APBA1: variants seen among roughly 807,000 people sequenced by gnomAD.
APBA1 encodes amyloid beta precursor protein binding family A member 1.
APBA1 carries 55 observed loss-of-function variants against 86.6 expected under a neutral mutation model. The observed-to-expected ratio is 0.64, with a 90% CI of 0.51 to 0.80. The LOEUF is 0.80. APBA1 is among the 30% of genes least tolerant of loss of function. APBA1 has a pLI of 0.00. For missense variants in APBA1, 1,090 were observed against 1,183.0 expected (o/e 0.92, Z 1.15); for synonymous variants, 511 against 493.9 (o/e 1.03, Z -0.46).
At chr9:69,540,992 A>G (rs1358572619) in intron 1 of APBA1, among the ~76,000 whole-genome samples, 2 of 152,208 alleles carry the variant, frequency 1.3e-5, no homozygotes, top group African/African-American at 4.8e-5. Flanking sequence ...ATAATGTCCT[A>G]TAGGTTCACA....
chr9:69,605,878 T>C (rs1380809601), intron 1 of APBA1, among the ~76,000 whole-genome samples: 2 of 152,242 alleles, frequency 1.3e-5, no homozygotes, highest in African/African-American at 4.8e-5. Flanking sequence ...GCAGAGTACC[T>C]GTAAATAGTA....
At chr9:69,437,108 T>G (rs1834739389) in intron 11 of APBA1, among the ~76,000 whole-genome samples, 1 of 151,926 alleles carries the variant, frequency 6.6e-6, no homozygotes, top group South Asian at 2.1e-4. Flanking sequence ...GAACCAGCCT[T>G]GCATCCCAGG....
intron 1 of APBA1, among the ~76,000 whole-genome samples, chr9:69,601,708 T>C (rs1037853925): frequency 2.6e-5 from 4 of 152,172 alleles, no homozygotes; most frequent in African/African-American, 9.7e-5. Flanking sequence ...GACAGAGGTA[T>C]CTCCTCCATA....
At chr9:69,518,465 CTCTT>C (rs1485874967) in intron 1 of APBA1, among the ~76,000 whole-genome samples, 2 of 152,104 alleles carry the variant, frequency 1.3e-5, no homozygotes, top group Non-Finnish European at 2.9e-5. Flanking sequence ...ATGGGTAGGT[CTCTT>C]TCTATTTTCA....
intron 1 of APBA1, among the ~76,000 whole-genome samples, chr9:69,547,291 G>T (rs1836713367): frequency 1.3e-5 from 2 of 152,172 alleles, no homozygotes; most frequent in Admixed American, 1.3e-4. Context: ...CATCCTTAGA[G>T]CTTGACTCCC....
intron 1 of APBA1, among the ~76,000 whole-genome samples, chr9:69,595,629 T>C (rs1372053787): frequency 1.3e-5 from 2 of 152,232 alleles, no homozygotes; most frequent in Admixed American, 1.3e-4. Flanking sequence ...TATTTGTGGG[T>C]TCATACATGA....
intron 11 of APBA1, among the ~76,000 whole-genome samples, chr9:69,433,530 T>C (rs780154221): frequency 2.0e-5 from 3 of 152,234 alleles, no homozygotes; most frequent in Non-Finnish European, 2.9e-5. Context: ...GTTTTCCCAG[T>C]GGACCCACAC....
chr9:69,599,689 G>A (rs147447359), intron 1 of APBA1, among the ~76,000 whole-genome samples: 32 of 152,310 alleles, frequency 2.1e-4, no homozygotes, highest in African/African-American at 7.0e-4. Context: ...ACCCAGGAAT[G>A]TGTTGAAAGT....
At chr9:69,451,668 T>C (rs1224539510) in intron 9 of APBA1, among the ~76,000 whole-genome samples, 1 of 152,200 alleles carries the variant, frequency 6.6e-6, no homozygotes, top group Non-Finnish European at 1.5e-5. Context: ...CATTCCTGAA[T>C]AGCTCAGTTT....
rs905642963 is a variant in APBA1 at position 69,489,074 on chromosome 9, C to A, written c.1201-12931G>T. On this transcript the variant is annotated intron_variant, in intron 2 of 12. Transcript: ENST00000265381. The stretch of plus-strand genomic sequence containing the variant: ...TACTGCCCAAGGTAATTTATAGATT[C>A]AATGCCAACCCCATCAAGCTACCAA... Among the ~76,000 whole-genome samples, 39 of 152,062 alleles carry A rather than the reference C, an allele frequency of 2.6e-4. 1 individual carries two copies. Among genetic ancestry groups the A allele is most frequent in the Non-Finnish European group, 5.3e-4 (36 of 68,012 alleles).
chr9:69,546,349 G>T (rs1289870282), intron 1 of APBA1, among the ~76,000 whole-genome samples: 1 of 152,170 alleles, frequency 6.6e-6, no homozygotes, highest in Non-Finnish European at 1.5e-5. Flanking sequence ...TATGTTGTGG[G>T]TTGCTTTTCC....
chr9:69,650,085 T>C (rs1262426184), intron 1 of APBA1, among the ~76,000 whole-genome samples: 1 of 152,164 alleles, frequency 6.6e-6, no homozygotes, highest in Non-Finnish European at 1.5e-5. Flanking sequence ...TTACAGGCAG[T>C]GTGGTATACT....
intron 2 of APBA1, among the ~76,000 whole-genome samples, chr9:69,513,474 C>T (rs1318825028): frequency 1.3e-5 from 2 of 152,202 alleles, no homozygotes; most frequent in Admixed American, 6.5e-5. Context: ...GATACAGAAG[C>T]CAGCCTTTTG....
rs1349182850 is a variant in APBA1 at position 69,516,313 on chromosome 9, G to A, written c.898C>T (p.Leu300=). ...AEDMPEAEQD[L]ERPPTPAGGR... ...CCGGCCGGGGTAGGGGGACGCTCCA[G>A]GTCCTGCTCGGCCTCAGGCATGTCC... The change falls in exon 2 of 13, where the codon CTG becomes TTG. Residue 300 remains leucine (L), a synonymous_variant. Coordinates refer to ENST00000265381, the MANE Select transcript of APBA1 (RefSeq NM_001163.4). The surrounding 1 kb of genome is among the most constrained non-coding windows in gnomAD (Gnocchi z 7.3). 6.3e-7 allele frequency: 1 copy of A among 1,587,940 alleles called. No homozygotes were observed. The highest frequency in any genetic ancestry group is 1.7e-4 in the Middle Eastern group (1 of 5,938).
Position 69,516,431 on chromosome 9 carries a change from G to A in APBA1, c.780C>T (p.Arg260=). 6.2e-7 allele frequency: 1 copy of A among 1,604,926 alleles called. No homozygotes were observed. The highest frequency in any genetic ancestry group is 8.5e-7 in the Non-Finnish European group (1 of 1,178,756). ...CCTCCTCCTGCTCGTAGCTGTCCAT[G>A]CGCGGGTAGGGCGCGAACTCGGCCT... ...EKEAEFAPYP[R]MDSYEQEEDI... The change falls in exon 2 of 13, where the codon CGC becomes CGT. Residue 260 remains arginine, a synonymous_variant. Coordinates refer to ENST00000265381, the MANE Select transcript of APBA1 (RefSeq NM_001163.4). This position sits in a 1 kb window ranked among gnomAD's most constrained non-coding sequence, Gnocchi z 7.3.
intron 2 of APBA1, among the ~76,000 whole-genome samples, chr9:69,492,758 C>T (rs958282677): frequency 1.3e-5 from 2 of 152,084 alleles, no homozygotes; most frequent in African/African-American, 4.8e-5. Context: ...ATAGTTCACA[C>T]ACGGCCTTGG....
At chr9:69,583,493 C>T (rs994315823) in intron 1 of APBA1, among the ~76,000 whole-genome samples, 36 of 152,274 alleles carry the variant, frequency 2.4e-4, no homozygotes, top group Admixed American at 1.8e-3. Flanking sequence ...ACAAAATTAC[C>T]TGTCAGCAAT....
chr9:69,445,350 G>A (rs750912533), intron 10 of APBA1, among the ~76,000 whole-genome samples: 1 of 152,264 alleles, frequency 6.6e-6, no homozygotes, highest in Non-Finnish European at 1.5e-5. Context: ...CCTAATCAAT[G>A]TTTCATGTTG....
intron 1 of APBA1, among the ~76,000 whole-genome samples, chr9:69,534,674 C>T (rs1286159697): frequency 6.6e-6 from 1 of 152,148 alleles, no homozygotes; most frequent in Non-Finnish European, 1.5e-5. Context: ...GAAAATGAGC[C>T]TAACTCTCAG....
Sources: gnomAD v4.1 joint callset for allele counts (sites outside exome capture counted in the v4.1 genomes callset) on GRCh38, gnomAD v4.1.1 for gene constraint, Gnocchi (gnomAD v3.1) non-coding constraint, MANE v1.5 for transcripts, NCBI Gene and HGNC (gene_info 2026-07-23, HGNC 2026-07-21) for gene names.